PTPRO: variants seen among roughly 807,000 people sequenced by gnomAD.
The protein encoded by PTPRO is receptor-type tyrosine-protein phosphatase O.
A neutral mutation model predicts 145.2 loss-of-function variants in PTPRO; 62 were observed. The observed-to-expected ratio is 0.43, with a 90% CI of 0.35 to 0.53. The LOEUF (loss-of-function observed/expected upper bound fraction) is 0.53. Ranked by LOEUF, PTPRO falls within the 20% of genes least tolerant of loss-of-function variation. The pLI, the probability that PTPRO is intolerant of heterozygous loss-of-function variation, is 0.01. For missense variants in PTPRO, 1,345 were observed against 1,482.7 expected, an observed-to-expected ratio of 0.91 and a Z score of 1.53; for synonymous variants, 565 against 514.7, an observed-to-expected ratio of 1.10 and a Z score of -1.32.
intron 6 of PTPRO, among the ~76,000 whole-genome samples, chr12:15,505,422 T>C (rs115348097): frequency 6.6e-6 from 1 of 152,260 alleles, no homozygotes; most frequent in Non-Finnish European, 1.5e-5. Context: ...ATATCTTTCA[T>C]GCACTCTGCT....
intron 25 of PTPRO, among the ~76,000 whole-genome samples, chr12:15,592,503 G>A (rs1944574849): frequency 6.6e-6 from 1 of 152,126 alleles, no homozygotes; most frequent in Non-Finnish European, 1.5e-5. Flanking sequence ...GATAGGATGA[G>A]CCATGTCTCC....
intron 1 of PTPRO, among the ~76,000 whole-genome samples, chr12:15,471,899 C>T (rs536506329): frequency 3.9e-5 from 6 of 152,196 alleles, no homozygotes; most frequent in East Asian, 3.9e-4. Context: ...AGGAACCTGG[C>T]GAGTGTAGCC....
intron 1 of PTPRO, among the ~76,000 whole-genome samples, chr12:15,340,390 T>C (rs1002017595): frequency 6.6e-6 from 1 of 152,164 alleles, no homozygotes; most frequent in Non-Finnish European, 1.5e-5. Context: ...CAGTCCTTGG[T>C]TGGGACTGCC....
intron 1 of PTPRO, among the ~76,000 whole-genome samples, chr12:15,334,234 T>C (rs1287064525): frequency 6.6e-6 from 1 of 152,206 alleles, no homozygotes; most frequent in Non-Finnish European, 1.5e-5. Flanking sequence ...TAAATGCACA[T>C]AGATACCTCA....
At chr12:15,454,294 G>A (rs1184576954) in intron 1 of PTPRO, among the ~76,000 whole-genome samples, 1 of 152,062 alleles carries the variant, frequency 6.6e-6, no homozygotes, top group Admixed American at 6.6e-5. Context: ...GACTTGATTT[G>A]CATTTCCCTG....
rs72656663 is a variant in PTPRO at position 15,475,159 on chromosome 12, C to T, written c.76-8815C>T. ...TCTTAAACACTTTACAAAATTGAGT[C>T]TATTTACTCTTCTTCTTATTATCAC... On this transcript the variant is annotated intron_variant, in intron 1 of 26. Coordinates refer to ENST00000281171, the MANE Select transcript of PTPRO (RefSeq NM_030667.3). 1.2e-3 allele frequency among the ~76,000 whole-genome samples: 181 copies of T among 152,336 alleles called. 3 individuals are homozygous for T. The East Asian group carries it at 0.032, about 27-fold the overall frequency.
chr12:15,440,419 A>G, intron 1 of PTPRO: 1 of 262,842 alleles, frequency 3.8e-6, no homozygotes, highest in East Asian at 9.6e-5. Flanking sequence ...TTTATACAAG[A>G]AAAATAAAGT....
intron 1 of PTPRO, among the ~76,000 whole-genome samples, chr12:15,464,572 C>A (rs557295207): frequency 2.0e-5 from 3 of 150,506 alleles, no homozygotes; most frequent in Non-Finnish European, 4.4e-5. Flanking sequence ...ACCATCTTGG[C>A]CAGGCAGGTC....
intron 1 of PTPRO, among the ~76,000 whole-genome samples, chr12:15,395,273 G>A (rs1047273844): frequency 1.3e-5 from 2 of 152,150 alleles, no homozygotes; most frequent in African/African-American, 4.8e-5. Context: ...GTAGGCAATC[G>A]AGTTTAAATA....
At chr12:15,492,207 G>A (rs1269722297) in intron 2 of PTPRO, among the ~76,000 whole-genome samples, 1 of 152,004 alleles carries the variant, frequency 6.6e-6, no homozygotes, top group East Asian at 1.9e-4. Context: ...AGAGAAATGG[G>A]GAGATGAAAA....
At chr12:15,560,159 C>A in intron 16 of PTPRO, 34 bp from the exon 17 acceptor site, 1 of 1,486,110 alleles carries the variant, frequency 6.7e-7, no homozygotes, top group Non-Finnish European at 9.4e-7. Flanking sequence ...GCAACTTTTT[C>A]ATCTTTCCAT....
chr12:15,539,544 T>C (rs191785770), intron 12 of PTPRO, among the ~76,000 whole-genome samples: 2 of 152,032 alleles, frequency 1.3e-5, no homozygotes, highest in African/African-American at 4.8e-5. Context: ...GGCAGATCAC[T>C]TGAGGCCGGG....
chr12:15,571,939 A>T (rs1013231243), intron 19 of PTPRO, among the ~76,000 whole-genome samples: 6 of 152,228 alleles, frequency 3.9e-5, no homozygotes, highest in Admixed American at 3.9e-4. Flanking sequence ...TATAAATTTT[A>T]TGTGCTAAAT....
At chr12:15,388,866 A>G (rs1376049936) in intron 1 of PTPRO, among the ~76,000 whole-genome samples, 1 of 151,904 alleles carries the variant, frequency 6.6e-6, no homozygotes, top group Non-Finnish European at 1.5e-5. Context: ...ACCACATGTG[A>G]TATCTGGTTT....
chr12:15,418,550 G>T (rs1940047020), intron 1 of PTPRO, among the ~76,000 whole-genome samples: 1 of 151,726 alleles, frequency 6.6e-6, no homozygotes, highest in South Asian at 2.1e-4. Flanking sequence ...GACAAGGAAG[G>T]TTTTATGAGG....
intron 1 of PTPRO, among the ~76,000 whole-genome samples, chr12:15,419,063 C>T (rs1940060943): frequency 6.6e-6 from 1 of 151,514 alleles, no homozygotes; most frequent in African/African-American, 2.4e-5. Flanking sequence ...TTTCAAGTTA[C>T]AGTACACAGA....
At chr12:15,463,494 T>A (rs1263864731) in intron 1 of PTPRO, among the ~76,000 whole-genome samples, 1 of 152,176 alleles carries the variant, frequency 6.6e-6, no homozygotes, top group Admixed American at 6.6e-5. Context: ...AGATGGATGG[T>A]GGATAAGGAA....
intron 12 of PTPRO, among the ~76,000 whole-genome samples, chr12:15,528,538 A>G (rs938154425): frequency 6.8e-6 from 1 of 146,906 alleles, no homozygotes; most frequent in Non-Finnish European, 1.5e-5. Context: ...AAAAAAAGGT[A>G]TTAAAAAAAC....
intron 19 of PTPRO, among the ~76,000 whole-genome samples, chr12:15,571,226 A>G (rs1405205701): frequency 6.6e-6 from 1 of 152,186 alleles, no homozygotes; most frequent in African/African-American, 2.4e-5. Context: ...AAACGCAGCC[A>G]GAGAGGGCAG....
Sources: gnomAD v4.1 joint callset for allele counts (sites outside exome capture counted in the v4.1 genomes callset) on GRCh38, gnomAD v4.1.1 for gene constraint, MANE v1.5 for transcripts, NCBI Gene and HGNC (gene_info 2026-07-23, HGNC 2026-07-21) for gene names.